Variants in DPYD observed in about 807,000 individuals in gnomAD.
DPYD encodes the protein dihydropyrimidine dehydrogenase, also known as dihydropyrimidine dehydrogenase [NADP(+)].
Under a neutral mutation model 116.2 loss-of-function variants are expected in DPYD, and 109 were observed. The ratio of observed to expected loss-of-function variants is 0.94; its 90% confidence interval spans 0.80 to 1.10. The LOEUF (loss-of-function observed/expected upper bound fraction) is 1.10. Ranked by LOEUF, DPYD falls within the 50% of genes least tolerant of loss-of-function variation. DPYD has a pLI of 0.00. For missense variants in DPYD, 1,302 were observed against 1,254.5 expected, an observed-to-expected ratio of 1.04 and a Z score of -0.57; for synonymous variants, 440 against 432.0, an observed-to-expected ratio of 1.02 and a Z score of -0.23.
chr1:97,527,461 T>C (rs1000649530), intron 12 of DPYD, among the ~76,000 whole-genome samples: 25 of 152,176 alleles, frequency 1.6e-4, no homozygotes, highest in African/African-American at 5.1e-4. Context: ...TTATTCATGA[T>C]GGTTTGATTG....
At chr1:97,487,590 G>A (rs567037135) in intron 13 of DPYD, among the ~76,000 whole-genome samples, 13 of 152,128 alleles carry the variant, frequency 8.5e-5, no homozygotes, top group African/African-American at 2.4e-4. Flanking sequence ...GGAGAATGGC[G>A]TGAACCTGGG....
chr1:97,752,951 C>T (rs565341118), intron 3 of DPYD, among the ~76,000 whole-genome samples: 1 of 152,070 alleles, frequency 6.6e-6, no homozygotes, highest in African/African-American at 2.4e-5. Context: ...GGCAATAATC[C>T]AGTTTTTGTA....
chr1:97,184,839 C>A lies in DPYD; in HGVS notation c.2622+8230G>T, dbSNP rs750586368. 2.0e-5 allele frequency among the ~76,000 whole-genome samples: 3 copies of A among 152,156 alleles called. No homozygotes were observed. The Middle Eastern group carries it at 0.01, about 518-fold the overall frequency. ...TTACCATCTGCAAATAAAGACAGTG[C>A]AAGCCCATTTTTTTCCAATGTAAAT... On this transcript the variant is annotated intron_variant, in intron 20 of 22. Transcript: ENST00000370192.
At chr1:97,129,049 C>A (rs187382361) in intron 20 of DPYD, among the ~76,000 whole-genome samples, 1 of 150,820 alleles carries the variant, frequency 6.6e-6, no homozygotes, top group Non-Finnish European at 1.5e-5. Context: ...AATACTCATT[C>A]TAAAAGGTCC....
At chr1:97,263,102 C>A (rs929949341) in intron 18 of DPYD, among the ~76,000 whole-genome samples, 1 of 151,994 alleles carries the variant, frequency 6.6e-6, no homozygotes, top group Non-Finnish European at 1.5e-5. Flanking sequence ...ATGTCAGGGG[C>A]CTTTACAGAA....
chr1:97,344,627 T>C (rs1478123252), intron 16 of DPYD, among the ~76,000 whole-genome samples: 1 of 151,642 alleles, frequency 6.6e-6, no homozygotes, highest in Non-Finnish European at 1.5e-5. Flanking sequence ...CATTGATATA[T>C]GCGAAAATTG....
intron 18 of DPYD, among the ~76,000 whole-genome samples, chr1:97,285,691 T>A (rs539264665): frequency 6.6e-6 from 1 of 151,308 alleles, no homozygotes; most frequent in African/African-American, 2.4e-5. Context: ...TAATTTTTTT[T>A]TTTTTTTTTT....
chr1:97,479,710 T>C (rs1306489261), intron 13 of DPYD, among the ~76,000 whole-genome samples: 1 of 152,174 alleles, frequency 6.6e-6, no homozygotes, highest in African/African-American at 2.4e-5. Context: ...AAAATACATG[T>C]GAAGTGCAAC....
intron 5 of DPYD, among the ~76,000 whole-genome samples, chr1:97,714,135 AC>A (rs1662459818): frequency 6.6e-6 from 1 of 152,158 alleles, no homozygotes; most frequent in Non-Finnish European, 1.5e-5. Flanking sequence ...ACAAAATCAT[AC>A]TTAGGCATTC....
chr1:97,864,605 C>A (rs966469434), intron 2 of DPYD, among the ~76,000 whole-genome samples: 1 of 151,630 alleles, frequency 6.6e-6, no homozygotes, highest in Non-Finnish European at 1.5e-5. Flanking sequence ...TAGATAAAAA[C>A]TGAGGCCAAG....
At chr1:97,897,483 C>T (rs1673139071) in intron 1 of DPYD, among the ~76,000 whole-genome samples, 2 of 151,830 alleles carry the variant, frequency 1.3e-5, no homozygotes, top group Non-Finnish European at 2.9e-5. Flanking sequence ...TCACTCTCAT[C>T]TCTGGGGAAA....
At chr1:97,625,960 AGAT>A (rs994958070) in intron 8 of DPYD, among the ~76,000 whole-genome samples, 8 of 152,062 alleles carry the variant, frequency 5.3e-5, no homozygotes, top group Non-Finnish European at 1.0e-4. Context: ...GGGCTTTGGC[AGAT>A]GATGAATCTG....
intron 14 of DPYD, among the ~76,000 whole-genome samples, chr1:97,443,231 A>T (rs1410213169): frequency 6.6e-6 from 1 of 152,174 alleles, no homozygotes; most frequent in African/African-American, 2.4e-5. Flanking sequence ...CTATTATGAT[A>T]TATTCTCTTT....
intron 8 of DPYD, among the ~76,000 whole-genome samples, chr1:97,678,625 G>T (rs1030424291): frequency 1.3e-5 from 2 of 152,096 alleles, no homozygotes; most frequent in African/African-American, 4.8e-5. Flanking sequence ...CTGTCTATGG[G>T]ACTTTCAGAA....
chr1:97,213,731 T>G (rs1477251557), intron 19 of DPYD, among the ~76,000 whole-genome samples: 1 of 152,156 alleles, frequency 6.6e-6, no homozygotes, highest in Non-Finnish European at 1.5e-5. Flanking sequence ...TTTACAAAAT[T>G]GTCAATTGTT....
At chr1:97,240,869 G>A (rs1464916616) in intron 18 of DPYD, among the ~76,000 whole-genome samples, 1 of 151,858 alleles carries the variant, frequency 6.6e-6, no homozygotes, top group Non-Finnish European at 1.5e-5. Flanking sequence ...AAATACATGG[G>A]ACACACCTAT....
chr1:97,719,165 C>CAAAAAAAAAAAAAAAAAAAAAAAAAAA lies in DPYD; in HGVS notation c.483+2344_483+2345insTTTTTTTTTTTTTTTTTTTTTTTTTTT, dbSNP rs1005459699. Among the ~76,000 whole-genome samples, 2 of 48,218 alleles carry CAAAAAAAAAAAAAAAAAAAAAAAAAAA rather than the reference C, an allele frequency of 4.1e-5. 1 individual carries two copies. Among genetic ancestry groups the CAAAAAAAAAAAAAAAAAAAAAAAAAAA allele is most frequent in the Non-Finnish European group, 7.7e-5 (2 of 26,036 alleles). 31.6% of individuals were successfully genotyped at this position (48,218 alleles called of 152,430 possible). On this transcript the variant is annotated intron_variant, in intron 5 of 22. Transcript: ENST00000370192. ...ACACAAGATCCACCCCCAACCCTGC[C>CAAAAAAAAAAAAAAAAAAAAAAAAAAA]AAAAAAAAAAAAAAAAAAAAAAAAG...
chr1:97,457,935 C>G (rs1676783055), intron 13 of DPYD, among the ~76,000 whole-genome samples: 1 of 152,076 alleles, frequency 6.6e-6, no homozygotes. Flanking sequence ...GTGCTGATAT[C>G]AGATGGATTA....
At chr1:97,124,593 A>G (rs1054960941) in intron 20 of DPYD, among the ~76,000 whole-genome samples, 1 of 152,178 alleles carries the variant, frequency 6.6e-6, no homozygotes, top group African/African-American at 2.4e-5. Flanking sequence ...GAAAGAATAT[A>G]GACTCCATTG....
Sources: gnomAD v4.1 joint callset for allele counts (sites outside exome capture counted in the v4.1 genomes callset) on GRCh38, gnomAD v4.1.1 for gene constraint, MANE v1.5 for transcripts, NCBI Gene and HGNC (gene_info 2026-07-23, HGNC 2026-07-21) for gene names.